Variants in RTL4 observed in about 807,000 individuals in gnomAD.
The protein encoded by RTL4 is retrotransposon Gag-like protein 4.
Under a neutral mutation model 5.3 loss-of-function variants are expected in RTL4, and 4 were observed. That is an observed-to-expected ratio of 0.75 (90% CI 0.37 to 1.72). RTL4 has a LOEUF of 1.72. RTL4 is among the 40% of genes most tolerant of loss of function. The pLI is 0.04. For missense variants in RTL4, 260 were observed against 227.1 expected (o/e 1.14, Z -0.93); for synonymous variants, 98 against 87.3 (o/e 1.12, Z -0.68).
the RTL4 span, among the ~76,000 whole-genome samples, chrX:112,182,454 T>C: frequency 2.7e-5 from 3 of 111,739 alleles, no homozygotes; most frequent in Non-Finnish European, 5.6e-5. Context: ...GTTATAGGAA[T>C]TGCTAACTAG....
At chrX:112,326,625 C>T in the RTL4 span, among the ~76,000 whole-genome samples, 6 of 111,764 alleles carry the variant, frequency 5.4e-5, no homozygotes, top group Admixed American at 1.9e-4. Flanking sequence ...ACAAAGCAGC[C>T]GGGAAGCTCG....
At chrX:112,185,402 T>TATATAC in the RTL4 span, among the ~76,000 whole-genome samples, 81 of 97,848 alleles carry the variant, frequency 8.3e-4, 1 homozygote, top group African/African-American at 1.3e-3. Flanking sequence ...TATATATATA[T>TATATAC]ACACACACAC....
chrX:112,118,981 C>T, the RTL4 span, among the ~76,000 whole-genome samples: 2 of 108,224 alleles, frequency 1.8e-5, no homozygotes, highest in African/African-American at 6.8e-5. Flanking sequence ...GCCTCCCAGA[C>T]TACAGGCATG....
chrX:112,217,575 G>A, the RTL4 span, among the ~76,000 whole-genome samples: 4 of 111,533 alleles, frequency 3.6e-5, no homozygotes, highest in Non-Finnish European at 7.5e-5. Flanking sequence ...AGTGGTGGGG[G>A]AGTCATAACA....
At chrX:112,097,495 G>A in the RTL4 span, among the ~76,000 whole-genome samples, 1 of 110,704 alleles carries the variant, frequency 9.0e-6, no homozygotes, top group Non-Finnish European at 1.9e-5. Flanking sequence ...AATTAGCCAG[G>A]TGTGATGGTA....
the RTL4 span, among the ~76,000 whole-genome samples, chrX:112,253,673 C>A: frequency 1.8e-5 from 2 of 111,892 alleles, no homozygotes; most frequent in African/African-American, 3.2e-5. Context: ...ATTATGACAG[C>A]CTAACTCTTA....
the RTL4 span, among the ~76,000 whole-genome samples, chrX:112,173,324 G>A: frequency 1.8e-5 from 2 of 111,315 alleles, no homozygotes; most frequent in Non-Finnish European, 3.8e-5. Flanking sequence ...TGATGATGGA[G>A]GATTATGGAG....
chrX:112,088,497 A>G, the RTL4 span, among the ~76,000 whole-genome samples: 1 of 112,149 alleles, frequency 8.9e-6, no homozygotes, highest in Admixed American at 9.5e-5. Flanking sequence ...CTTTTCTATT[A>G]TGAATAATGC....
At chrX:112,164,967 G>T in the RTL4 span, among the ~76,000 whole-genome samples, 1 of 111,888 alleles carries the variant, frequency 8.9e-6, no homozygotes, top group African/African-American at 3.3e-5. Context: ...CTCCAGCCAG[G>T]TTTCCCTGCT....
the RTL4 span, among the ~76,000 whole-genome samples, chrX:112,326,426 G>A: frequency 1.6e-4 from 18 of 111,565 alleles, no homozygotes; most frequent in African/African-American, 2.3e-4. Flanking sequence ...ACTTCCACCC[G>A]AATACTGCGC....
At chrX:112,165,788 T>C in the RTL4 span, among the ~76,000 whole-genome samples, 1 of 111,881 alleles carries the variant, frequency 8.9e-6, no homozygotes, top group East Asian at 2.8e-4. Flanking sequence ...TTAGATGCTC[T>C]TCTAGCCCCA....
At chrX:112,181,777 G>A in the RTL4 span, among the ~76,000 whole-genome samples, 1 of 111,935 alleles carries the variant, frequency 8.9e-6, no homozygotes, top group Non-Finnish European at 1.9e-5. Flanking sequence ...AAAAGTTCCT[G>A]CCTGCTGGCT....
At chrX:112,162,840 G>C in the RTL4 span, among the ~76,000 whole-genome samples, 2 of 111,207 alleles carry the variant, frequency 1.8e-5, no homozygotes, top group Admixed American at 1.9e-4. Flanking sequence ...AGGATCCTAA[G>C]GCGGGTAGTC....
chrX:112,087,163 T>C, the RTL4 span, among the ~76,000 whole-genome samples: 24 of 111,131 alleles, frequency 2.2e-4, no homozygotes, highest in Non-Finnish European at 4.2e-4. Context: ...AATTGTGTCT[T>C]GCTGGTCTGT....
At chrX:112,147,650 G>A in the RTL4 span, among the ~76,000 whole-genome samples, 1 of 112,182 alleles carries the variant, frequency 8.9e-6, no homozygotes, top group East Asian at 2.8e-4. Context: ...AGAATCAAAT[G>A]GCTCTGGCCT....
chrX:112,444,269 T>G, the RTL4 span, among the ~76,000 whole-genome samples: 2 of 111,629 alleles, frequency 1.8e-5, no homozygotes, highest in Non-Finnish European at 3.8e-5. Context: ...GTGGATTTGT[T>G]TCTGGTTTCT....
the RTL4 span, among the ~76,000 whole-genome samples, chrX:112,357,290 A>G: frequency 9.1e-6 from 1 of 110,347 alleles, no homozygotes; most frequent in African/African-American, 3.3e-5. Flanking sequence ...AGTGTCCCAG[A>G]ATTTTCTTTG....
the RTL4 span, among the ~76,000 whole-genome samples, chrX:112,249,772 T>C: frequency 3.1e-5 from 3 of 96,726 alleles, no homozygotes; most frequent in Non-Finnish European, 6.1e-5. Flanking sequence ...TATATATATA[T>C]GTAATTATAT....
At chrX:112,343,696 A>G in the RTL4 span, among the ~76,000 whole-genome samples, 2 of 112,170 alleles carry the variant, frequency 1.8e-5, no homozygotes, top group Non-Finnish European at 1.9e-5. Flanking sequence ...GGACTAGTGT[A>G]TTGAAGAACA....
Sources: gnomAD v4.1 joint callset for allele counts (sites outside exome capture counted in the v4.1 genomes callset) on GRCh38, gnomAD v4.1.1 for gene constraint, MANE v1.5 for transcripts, NCBI Gene and HGNC (gene_info 2026-07-23, HGNC 2026-07-21) for gene names.